Variants in F13A1 observed in about 807,000 individuals in gnomAD.
F13A1 encodes coagulation factor XIII A chain, also known as FSF, A subunit.
F13A1 carries 47 observed loss-of-function variants against 80.1 expected under a neutral mutation model. The observed-to-expected ratio is 0.59, with a 90% CI of 0.46 to 0.75. The LOEUF (loss-of-function observed/expected upper bound fraction) is 0.75. Among genes scored for constraint, F13A1 ranks in the 30% least tolerant of loss-of-function variants. The pLI is 0.00. For synonymous variants in F13A1, 349 were observed against 344.9 expected (o/e 1.01, Z -0.13); for missense variants, 817 against 930.4 (o/e 0.88, Z 1.59).
chr6:6,197,691 G>T (rs1261425659), intron 8 of F13A1, among the ~76,000 whole-genome samples: 1 of 150,200 alleles, frequency 6.7e-6, no homozygotes, highest in Admixed American at 6.6e-5. Context: ...AAAAAAAAAA[G>T]TGACCCCAAA....
At position 6,151,868 on chromosome 6, in the gene F13A1, C is replaced by T; in HGVS notation, c.1990G>A (p.Val664Ile). The change falls in exon 14 of 15, where the codon GTC (valine) becomes ATC (isoleucine). Residue 664 changes from valine to isoleucine, a missense_variant. Transcript: ENST00000264870. ...CCAGGACCATCCAGGTGTACCCAGA[C>T]ATTTCGCAGGGTTTCTTTTAAAGGA... ...TNPLKETLRN[V>I]WVHLDGPGVT... 2.5e-6 allele frequency: 4 copies of T among 1,614,096 alleles called. No homozygotes were observed. Among genetic ancestry groups the T allele is most frequent in the Non-Finnish European group, 3.4e-6 (4 of 1,179,980 alleles).
At chr6:6,218,217 TA>T (rs1757132664) in intron 8 of F13A1, among the ~76,000 whole-genome samples, 2 of 152,318 alleles carry the variant, frequency 1.3e-5, no homozygotes, top group African/African-American at 4.8e-5. Flanking sequence ...CTCTGTCTTT[TA>T]AAATTGTTTC....
At chr6:6,282,735 C>A (rs1464388045) in intron 3 of F13A1, among the ~76,000 whole-genome samples, 1 of 152,182 alleles carries the variant, frequency 6.6e-6, no homozygotes, top group Non-Finnish European at 1.5e-5. Flanking sequence ...TCCAGGGTCA[C>A]ACCTCATTCC....
At chr6:6,274,250 A>G (rs1166983947) in intron 3 of F13A1, among the ~76,000 whole-genome samples, 4 of 152,230 alleles carry the variant, frequency 2.6e-5, no homozygotes, top group African/African-American at 9.6e-5. Flanking sequence ...GAAGCTAGGT[A>G]CTTGTTAAGG....
chr6:6,286,647 A>T (rs1241114323), intron 3 of F13A1, among the ~76,000 whole-genome samples: 1 of 152,206 alleles, frequency 6.6e-6, no homozygotes, highest in African/African-American at 2.4e-5. Context: ...ATTTGCTGCC[A>T]CTAACACCTA....
At chr6:6,198,087 G>T (rs753856694) in intron 8 of F13A1, among the ~76,000 whole-genome samples, 1 of 152,166 alleles carries the variant, frequency 6.6e-6, no homozygotes, top group Admixed American at 6.5e-5. Flanking sequence ...TTGTGTTTGT[G>T]GTCTTAGACT....
intron 4 of F13A1, among the ~76,000 whole-genome samples, chr6:6,259,710 C>T (rs1322177459): frequency 1.3e-5 from 2 of 152,104 alleles, no homozygotes; most frequent in African/African-American, 4.8e-5. Context: ...ATTAAATCAA[C>T]ACAGCAAACA....
At chr6:6,291,232 C>T (rs1048751270) in intron 3 of F13A1, among the ~76,000 whole-genome samples, 4 of 152,118 alleles carry the variant, frequency 2.6e-5, no homozygotes, top group African/African-American at 9.7e-5. Flanking sequence ...AATTTTCCTT[C>T]CTACTCAGCC....
At chr6:6,168,876 G>A (rs540690346) in intron 12 of F13A1, among the ~76,000 whole-genome samples, 4 of 152,324 alleles carry the variant, frequency 2.6e-5, no homozygotes, top group African/African-American at 9.6e-5. Flanking sequence ...CATCTGTGGA[G>A]GAACTCTCAC....
At chr6:6,315,810 C>T (rs960530008) in intron 2 of F13A1, among the ~76,000 whole-genome samples, 6 of 151,774 alleles carry the variant, frequency 4.0e-5, no homozygotes, top group African/African-American at 1.5e-4. Flanking sequence ...AGTCATCATC[C>T]GCAGATTGGT....
At chr6:6,315,638 G>C (rs1758669113) in intron 2 of F13A1, among the ~76,000 whole-genome samples, 1 of 152,098 alleles carries the variant, frequency 6.6e-6, no homozygotes, top group South Asian at 2.1e-4. Flanking sequence ...CACTGCTACA[G>C]AACTATTAGA....
chr6:6,265,581 A>G (rs930466072), intron 4 of F13A1, among the ~76,000 whole-genome samples: 4 of 152,246 alleles, frequency 2.6e-5, no homozygotes, highest in African/African-American at 9.6e-5. Context: ...TTATTTGAAT[A>G]TAACTAGATT....
intron 8 of F13A1, among the ~76,000 whole-genome samples, chr6:6,213,457 A>C (rs1198851066): frequency 2.0e-5 from 3 of 151,222 alleles, no homozygotes; most frequent in East Asian, 1.9e-4. Flanking sequence ...GAAATAAAAT[A>C]CTTTACAGAC....
intron 6 of F13A1, among the ~76,000 whole-genome samples, chr6:6,229,104 T>G (rs145264907): frequency 6.6e-6 from 1 of 152,162 alleles, no homozygotes; most frequent in Non-Finnish European, 1.5e-5. Context: ...GAGATCAAAC[T>G]AACCTTAGAT....
At chr6:6,280,828 G>A (rs1030947257) in intron 3 of F13A1, among the ~76,000 whole-genome samples, 4 of 152,166 alleles carry the variant, frequency 2.6e-5, no homozygotes, top group African/African-American at 9.7e-5. Context: ...TTGTGGGCTT[G>A]AAGGGGTACA....
intron 13 of F13A1, 98 bp downstream of exon 13, chr6:6,167,358 TCA>T: frequency 8.4e-7 from 1 of 1,187,976 alleles, no homozygotes; most frequent in Non-Finnish European, 1.2e-6. Context: ...AGCAGGACAT[TCA>T]TTCACACACA....
chr6:6,232,517 A>G (rs1171564293), intron 6 of F13A1, among the ~76,000 whole-genome samples: 2 of 152,166 alleles, frequency 1.3e-5, no homozygotes, highest in East Asian at 3.9e-4. Flanking sequence ...GGACTTCAGT[A>G]CTCCACTGAC....
chr6:6,183,867 G>C (rs543295890), intron 10 of F13A1, among the ~76,000 whole-genome samples: 3 of 152,290 alleles, frequency 2.0e-5, no homozygotes, highest in African/African-American at 7.2e-5. Context: ...GATTAAATTT[G>C]TTCTGCCAAT....
At chr6:6,252,341 G>T (rs964767486) in intron 4 of F13A1, among the ~76,000 whole-genome samples, 3 of 152,148 alleles carry the variant, frequency 2.0e-5, no homozygotes, top group Non-Finnish European at 4.4e-5. Flanking sequence ...AGGAGCTCTT[G>T]TTGATTTGTA....
Sources: gnomAD v4.1 joint callset for allele counts (sites outside exome capture counted in the v4.1 genomes callset) on GRCh38, gnomAD v4.1.1 for gene constraint, MANE v1.5 for transcripts, NCBI Gene and HGNC (gene_info 2026-07-23, HGNC 2026-07-21) for gene names.